SPPL3: variants seen among roughly 807,000 people sequenced by gnomAD.
SPPL3 encodes signal peptide peptidase-like 3.
A neutral mutation model predicts 42.4 loss-of-function variants in SPPL3; 5 were observed. The observed-to-expected ratio is 0.12, with a 90% CI of 0.06 to 0.25. SPPL3 has a LOEUF of 0.25. Among genes scored for constraint, SPPL3 ranks in the 10% least tolerant of loss-of-function variants. The pLI, the probability that SPPL3 is intolerant of heterozygous loss-of-function variation, is 1.00. For synonymous variants in SPPL3, 195 were observed against 181.8 expected (o/e 1.07, Z -0.58); for missense variants, 235 against 489.0 (o/e 0.48, Z 4.90).
At chr12:120,788,977 T>C (rs1451294789) in intron 3 of SPPL3, among the ~76,000 whole-genome samples, 7 of 152,214 alleles carry the variant, frequency 4.6e-5, no homozygotes, top group Non-Finnish European at 7.3e-5. Flanking sequence ...TAATTTTATA[T>C]TCCATAATCA....
At chr12:120,829,174 A>G (rs1265263250) in intron 1 of SPPL3, among the ~76,000 whole-genome samples, 1 of 152,240 alleles carries the variant, frequency 6.6e-6, no homozygotes, top group Non-Finnish European at 1.5e-5. Flanking sequence ...TAAATGTGAA[A>G]CTGAAATCCA....
chr12:120,821,155 T>G (rs1262189288), intron 1 of SPPL3, among the ~76,000 whole-genome samples: 4 of 152,220 alleles, frequency 2.6e-5, no homozygotes, highest in Non-Finnish European at 5.9e-5. Context: ...TGTTTTCAAA[T>G]ACATCTTATT....
chr12:120,892,959 G>C (rs932827555), intron 1 of SPPL3, among the ~76,000 whole-genome samples: 5 of 138,494 alleles, frequency 3.6e-5, no homozygotes, highest in African/African-American at 1.3e-4. Flanking sequence ...TCCAGCCTGG[G>C]TGACAGAGCA....
At chr12:120,812,755 C>T (rs1870724945) in intron 1 of SPPL3, among the ~76,000 whole-genome samples, 1 of 152,208 alleles carries the variant, frequency 6.6e-6, no homozygotes. Flanking sequence ...TAATCCCTTG[C>T]TCTACCACTT....
At chr12:120,810,968 C>T (rs748872739) in intron 1 of SPPL3, 82 bp from the exon 2 acceptor site, 1 of 878,620 alleles carries the variant, frequency 1.1e-6, no homozygotes, top group Non-Finnish European at 1.8e-6. Flanking sequence ...TTCTATAAAC[C>T]CCACTGAGCT....
intron 1 of SPPL3, among the ~76,000 whole-genome samples, chr12:120,882,581 TAG>T (rs1488322200): frequency 1.3e-5 from 2 of 152,080 alleles, no homozygotes; most frequent in Admixed American, 6.5e-5. Context: ...TAATAAAAAC[TAG>T]AGAGATTGAA....
chr12:120,890,754 G>A (rs1006979464), intron 1 of SPPL3, among the ~76,000 whole-genome samples: 1 of 152,038 alleles, frequency 6.6e-6, no homozygotes, highest in Non-Finnish European at 1.5e-5. Context: ...AAAGGGAGAG[G>A]AAGCAAATTT....
chr12:120,856,503 C>CTTTTTT (rs35137934), intron 1 of SPPL3, among the ~76,000 whole-genome samples: 24 of 89,202 alleles, frequency 2.7e-4, no homozygotes, highest in Non-Finnish European at 3.8e-4. Flanking sequence ...CAATTTTCAT[C>CTTTTTT]TTTTTTTTTT....
At position 120,791,546 on chromosome 12, in the gene SPPL3, A is replaced by G. The variant is rs768349585; in HGVS notation, c.113T>C (p.Met38Thr). 1.9e-6 allele frequency: 3 copies of G among 1,598,634 alleles called. No homozygotes were observed. The Admixed American group carries it at 5.4e-5, about 29-fold the overall frequency. ...IVYGSFRSLNMDFENQDKEKD... is the reference protein window; with the variant it reads ...IVYGSFRSLNTDFENQDKEKD... ...CTCCTTATCTTGATTTTCAAAGTCC[A>G]TATTAAGGGACCTGTGGAAAAAAAT... is the stretch of plus-strand genomic sequence containing the variant. The change falls in exon 3 of 11, where the codon ATG becomes ACG. Residue 38 changes from methionine to threonine, a missense_variant. Physicochemically the swap from Met to Thr is moderately conservative, Grantham distance 81 (BLOSUM62 -1). Coordinates refer to ENST00000353487, the MANE Select transcript of SPPL3 (RefSeq NM_139015.5).
At chr12:120,889,727 T>A (rs936811293) in intron 1 of SPPL3, among the ~76,000 whole-genome samples, 1 of 152,246 alleles carries the variant, frequency 6.6e-6, no homozygotes, top group African/African-American at 2.4e-5. Flanking sequence ...ATTGTGGCAA[T>A]AGCTAACTGA....
chr12:120,779,182 A>G (rs1869437245), intron 6 of SPPL3, among the ~76,000 whole-genome samples: 1 of 152,242 alleles, frequency 6.6e-6, no homozygotes, highest in Non-Finnish European at 1.5e-5. Context: ...CTATAAGATC[A>G]GTACTTAGAA....
chr12:120,762,953 G>A lies in SPPL3; in HGVS notation c.*2046C>T, dbSNP rs1001902617. 1 of 152,196 alleles carries A rather than the reference G, an allele frequency of 6.6e-6. No homozygotes were observed. The highest frequency in any genetic ancestry group is 1.5e-5 in the Non-Finnish European group (1 of 68,068). 9.4% of individuals were successfully genotyped at this position (152,196 alleles called of 1,614,324 possible). ...TTTGGAGCCCCCCTCTCTGTCTCTG[G>A]GCCTGCTTAATTAGCTATATGCATC... is the stretch of plus-strand genomic sequence containing the variant. On this transcript the variant is annotated 3_prime_UTR_variant, in exon 11 of 11. Transcript: ENST00000353487.
chr12:120,888,852 A>G (rs900158700), intron 1 of SPPL3, among the ~76,000 whole-genome samples: 1 of 152,120 alleles, frequency 6.6e-6, no homozygotes, highest in Non-Finnish European at 1.5e-5. Flanking sequence ...TTTGTCACCC[A>G]GGGCGGAGTA....
chr12:120,880,453 C>T (rs1218485321), intron 1 of SPPL3, among the ~76,000 whole-genome samples: 1 of 151,972 alleles, frequency 6.6e-6, no homozygotes, highest in Non-Finnish European at 1.5e-5. Flanking sequence ...CCAAAGGCCA[C>T]TATTAACAAA....
At chr12:120,869,906 T>C (rs545161932) in intron 1 of SPPL3, among the ~76,000 whole-genome samples, 5 of 152,246 alleles carry the variant, frequency 3.3e-5, no homozygotes, top group East Asian at 3.9e-4. Flanking sequence ...AATCCAAAAA[T>C]AGGAATATCT....
intron 1 of SPPL3, among the ~76,000 whole-genome samples, chr12:120,895,288 G>A (rs1023102723): frequency 6.6e-6 from 1 of 152,012 alleles, no homozygotes; most frequent in Non-Finnish European, 1.5e-5. Flanking sequence ...TTAGCCGCGT[G>A]TATTGGCGCG....
intron 1 of SPPL3, among the ~76,000 whole-genome samples, chr12:120,855,611 C>T (rs1040643799): frequency 4.6e-5 from 7 of 151,538 alleles, no homozygotes; most frequent in Non-Finnish European, 7.4e-5. Flanking sequence ...CGCTTGAACC[C>T]GGGAGATGGT....
chr12:120,832,167 C>A (rs555089613), intron 1 of SPPL3, among the ~76,000 whole-genome samples: 1 of 152,234 alleles, frequency 6.6e-6, no homozygotes, highest in Admixed American at 6.5e-5. Context: ...CTCAAAATAA[C>A]CCTGTGACAA....
intron 1 of SPPL3, among the ~76,000 whole-genome samples, chr12:120,887,111 G>A (rs946668466): frequency 3.3e-5 from 5 of 151,636 alleles, no homozygotes; most frequent in South Asian, 2.1e-4. Flanking sequence ...CATCACGCCC[G>A]GCTAATTTTT....
Sources: gnomAD v4.1 joint callset for allele counts (sites outside exome capture counted in the v4.1 genomes callset) on GRCh38, gnomAD v4.1.1 for gene constraint, MANE v1.5 for transcripts, NCBI Gene and HGNC (gene_info 2026-07-23, HGNC 2026-07-21) for gene names.